The following SLC16A10 variants were observed in gnomAD, a reference collection of about 807,000 sequenced individuals.
SLC16A10 encodes the protein monocarboxylate transporter 10.
In SLC16A10, 27 loss-of-function variants were observed where a neutral mutation model predicts 40.0. The ratio of observed to expected loss-of-function variants is 0.67; its 90% CI spans 0.50 to 0.93. SLC16A10 has a LOEUF of 0.93. Among genes scored for constraint, SLC16A10 ranks in the 40% least tolerant of loss-of-function variants. The pLI is 0.00. For missense variants in SLC16A10, 529 were observed against 658.2 expected (o/e 0.80, Z 2.15); for synonymous variants, 213 against 249.8 (o/e 0.85, Z 1.39).
At chr6:111,122,697 T>G (rs914664597) in intron 1 of SLC16A10, among the ~76,000 whole-genome samples, 3 of 152,166 alleles carry the variant, frequency 2.0e-5, no homozygotes, top group Non-Finnish European at 4.4e-5. Flanking sequence ...TTTTTGGTGG[T>G]GGTGGGAGGT....
At chr6:111,096,505 A>G (rs1264994962) in intron 1 of SLC16A10, among the ~76,000 whole-genome samples, 1 of 152,194 alleles carries the variant, frequency 6.6e-6, no homozygotes, top group Non-Finnish European at 1.5e-5. Flanking sequence ...CATAAGACAG[A>G]TAGCCTATCA....
intron 3 of SLC16A10, among the ~76,000 whole-genome samples, chr6:111,194,769 G>C (rs1448588348): frequency 1.3e-5 from 2 of 152,092 alleles, no homozygotes; most frequent in African/African-American, 4.8e-5. Context: ...GGACTTTTCA[G>C]TTCCTGACCT....
At chr6:111,121,183 C>T (rs1771576435) in intron 1 of SLC16A10, among the ~76,000 whole-genome samples, 2 of 152,158 alleles carry the variant, frequency 1.3e-5, no homozygotes, top group Non-Finnish European at 2.9e-5. Flanking sequence ...ACACGTGTGC[C>T]TCTTACTCCC....
chr6:111,139,552 G>A (rs1439363251), intron 1 of SLC16A10, among the ~76,000 whole-genome samples: 5 of 152,032 alleles, frequency 3.3e-5, no homozygotes, highest in African/African-American at 9.7e-5. Context: ...TGCCTGCCTC[G>A]GCCCCCAAAA....
At chr6:111,170,714 G>T (rs957528035) in intron 1 of SLC16A10, among the ~76,000 whole-genome samples, 2 of 152,188 alleles carry the variant, frequency 1.3e-5, no homozygotes, top group Non-Finnish European at 2.9e-5. Flanking sequence ...CTCCCAAAGT[G>T]CTAGGATTAC....
chr6:111,133,425 T>C (rs559364854), intron 1 of SLC16A10, among the ~76,000 whole-genome samples: 56 of 152,256 alleles, frequency 3.7e-4, no homozygotes, highest in African/African-American at 1.1e-3. Flanking sequence ...TTCTGGAGAA[T>C]TGGGACCAAT....
intron 1 of SLC16A10, among the ~76,000 whole-genome samples, chr6:111,119,150 T>TA (rs1324599967): frequency 6.6e-6 from 1 of 152,212 alleles, no homozygotes; most frequent in Non-Finnish European, 1.5e-5. Context: ...TCTCCTCAGA[T>TA]CCTATTTGGA....
chr6:111,185,878 G>A (rs1462870412), intron 3 of SLC16A10, among the ~76,000 whole-genome samples: 5 of 151,036 alleles, frequency 3.3e-5, no homozygotes, highest in Non-Finnish European at 7.4e-5. Context: ...GTTCCCTCCT[G>A]TTAATGTGTA....
chr6:111,130,839 T>G (rs868269565), intron 1 of SLC16A10, among the ~76,000 whole-genome samples: 1 of 152,218 alleles, frequency 6.6e-6, no homozygotes, highest in Non-Finnish European at 1.5e-5. Flanking sequence ...TGATCCAAAC[T>G]GTGTCTGATT....
intron 3 of SLC16A10, among the ~76,000 whole-genome samples, chr6:111,203,458 G>T (rs989036165): frequency 1.3e-5 from 2 of 151,594 alleles, no homozygotes. Flanking sequence ...TCTAGGCCAG[G>T]CGTGGTGGCT....
At chr6:111,199,439 A>G (rs953060698) in intron 3 of SLC16A10, among the ~76,000 whole-genome samples, 1 of 151,262 alleles carries the variant, frequency 6.6e-6, no homozygotes, top group African/African-American at 2.4e-5. Context: ...AGCCTGGGTG[A>G]CAAGACCAAA....
chr6:111,094,561 G>T (rs186341842), intron 1 of SLC16A10, among the ~76,000 whole-genome samples: 1 of 152,104 alleles, frequency 6.6e-6, no homozygotes, highest in Admixed American at 6.5e-5. Context: ...GAGTTCTTTT[G>T]TGTTTACCTT....
chr6:111,182,745 A>G (rs914960370), intron 3 of SLC16A10, among the ~76,000 whole-genome samples: 3 of 152,058 alleles, frequency 2.0e-5, no homozygotes, highest in African/African-American at 7.2e-5. Context: ...AGCCATCCTC[A>G]TCTCAGGAGC....
At chr6:111,183,287 T>A (rs1169919025) in intron 3 of SLC16A10, among the ~76,000 whole-genome samples, 1 of 152,204 alleles carries the variant, frequency 6.6e-6, no homozygotes, top group Non-Finnish European at 1.5e-5. Flanking sequence ...CCGCTCCTAT[T>A]ACTCCTTTTC....
intron 3 of SLC16A10, among the ~76,000 whole-genome samples, chr6:111,200,001 C>A (rs997011176): frequency 6.6e-6 from 1 of 152,108 alleles, no homozygotes; most frequent in African/African-American, 2.4e-5. Context: ...TTTTCCCAGT[C>A]CTTTTTCATG....
intron 1 of SLC16A10, among the ~76,000 whole-genome samples, chr6:111,123,654 C>T (rs570285899): frequency 6.6e-6 from 1 of 152,168 alleles, no homozygotes; most frequent in Non-Finnish European, 1.5e-5. Context: ...TAACCAGTAA[C>T]AGTAATATTC....
intron 1 of SLC16A10, among the ~76,000 whole-genome samples, chr6:111,107,375 G>T (rs1294344741): frequency 6.6e-6 from 1 of 152,144 alleles, no homozygotes; most frequent in Non-Finnish European, 1.5e-5. Flanking sequence ...CAAATTTATG[G>T]TGGTGCTTGG....
At chr6:111,165,106 T>G (rs949559374) in intron 1 of SLC16A10, among the ~76,000 whole-genome samples, 1 of 152,198 alleles carries the variant, frequency 6.6e-6, no homozygotes, top group African/African-American at 2.4e-5. Context: ...AATCTCCTAA[T>G]TAGATTACTG....
Position 111,131,172 on chromosome 6 carries a change from C to T in SLC16A10, c.344-41523C>T, listed in dbSNP as rs187453369. On this transcript the variant is annotated intron_variant, in intron 1 of 5. Transcript: ENST00000368851. ...CTGCTGTTTGCTGCCATCGCAGACC[C>T]GCCGCTGACTTCCACCCCTCTGGAT... Among the ~76,000 whole-genome samples, 17 of 152,316 alleles carry T rather than the reference C, an allele frequency of 1.1e-4. No individual in the cohort carries two copies. In the East Asian group the frequency reaches 1.7e-3, roughly 16 times the overall value.
Sources: gnomAD v4.1 joint callset for allele counts (sites outside exome capture counted in the v4.1 genomes callset) on GRCh38, gnomAD v4.1.1 for gene constraint, MANE v1.5 for transcripts, NCBI Gene and HGNC (gene_info 2026-07-23, HGNC 2026-07-21) for gene names.